The following ITGB3BP variants were observed in gnomAD, a reference collection of about 807,000 sequenced individuals.
The protein encoded by ITGB3BP is centromere protein R.
Under a neutral mutation model 29.1 loss-of-function variants are expected in ITGB3BP, and 27 were observed. The ratio of observed to expected loss-of-function variants is 0.93; its 90% confidence interval spans 0.68 to 1.28. The LOEUF is 1.28. Among genes scored for constraint, ITGB3BP ranks in the 50% most tolerant of loss-of-function variants. ITGB3BP has a pLI of 0.00. For missense variants in ITGB3BP, 192 were observed against 200.2 expected (o/e 0.96, Z 0.25); for synonymous variants, 61 against 61.4 (o/e 0.99, Z 0.03).
At chr1:63,476,104 A>C (rs1350280141) in intron 4 of ITGB3BP, among the ~76,000 whole-genome samples, 1 of 151,490 alleles carries the variant, frequency 6.6e-6, no homozygotes, top group African/African-American at 2.4e-5. Context: ...GAGGGATCAC[A>C]GTGTACTACA....
intron 1 of ITGB3BP, among the ~76,000 whole-genome samples, chr1:63,517,630 G>A (rs1646362926): frequency 6.6e-6 from 1 of 152,022 alleles, no homozygotes; most frequent in Non-Finnish European, 1.5e-5. Context: ...CTACATCCTT[G>A]CTAAATTGTT....
At chr1:63,475,711 A>G (rs377135178) in intron 4 of ITGB3BP, among the ~76,000 whole-genome samples, 88 of 152,300 alleles carry the variant, frequency 5.8e-4, no homozygotes, top group African/African-American at 2.1e-3. Flanking sequence ...TCAGAAATGC[A>G]TCCTGGCCAG....
At chr1:63,514,109 T>C (rs1398102469) in intron 1 of ITGB3BP, among the ~76,000 whole-genome samples, 6 of 152,228 alleles carry the variant, frequency 3.9e-5, no homozygotes, top group Non-Finnish European at 7.3e-5. Flanking sequence ...TTGCCTATTC[T>C]AGAATTTCAT....
chr1:63,516,349 G>GGGAA (rs1553167564), intron 1 of ITGB3BP, among the ~76,000 whole-genome samples: 1 of 84,150 alleles, frequency 1.2e-5, no homozygotes, highest in Non-Finnish European at 2.4e-5. Flanking sequence ...AAGCGGAGCG[G>GGGAA]GGGAAGGTGG....
Position 63,478,755 on chromosome 1 carries a change from C to T in ITGB3BP, c.254+9G>A. The T allele has an allele frequency of 7.4e-7, 1 of 1,344,918 alleles. No homozygotes were observed. The highest frequency in any genetic ancestry group is 1.0e-6 in the Non-Finnish European group (1 of 975,292). 83.3% of individuals were successfully genotyped at this position (1,344,918 alleles called of 1,614,324 possible). A position where few individuals can be genotyped will look rare whatever the true frequency, so the allele number is the denominator to read the frequency against. ...TACACATATATAATTTCAAAAATAA[C>T]AAACTTACTCATCATTGTCTTTTGT... On this transcript the variant is annotated intron_variant, in intron 4 of 8. Coordinates refer to ENST00000271002, the MANE Select transcript of ITGB3BP (RefSeq NM_014288.5).
intron 4 of ITGB3BP, among the ~76,000 whole-genome samples, chr1:63,476,076 T>G (rs1035187918): frequency 6.6e-6 from 1 of 151,534 alleles, no homozygotes; most frequent in Non-Finnish European, 1.5e-5. Context: ...TAGGCTGGTG[T>G]GCAGCAGCTA....
intron 2 of ITGB3BP, among the ~76,000 whole-genome samples, chr1:63,507,276 G>A (rs1383592980): frequency 6.6e-6 from 1 of 152,132 alleles, no homozygotes; most frequent in African/African-American, 2.4e-5. Context: ...CTGTTGAAAG[G>A]TACAGAACTG....
intron 4 of ITGB3BP, among the ~76,000 whole-genome samples, chr1:63,462,219 T>C (rs886310990): frequency 6.6e-6 from 1 of 152,240 alleles, no homozygotes; most frequent in Non-Finnish European, 1.5e-5. Flanking sequence ...TATTCCTGTG[T>C]ATTTTATCCT....
intron 2 of ITGB3BP, among the ~76,000 whole-genome samples, chr1:63,505,866 G>A (rs1380279958): frequency 6.6e-6 from 1 of 152,164 alleles, no homozygotes; most frequent in African/African-American, 2.4e-5. Flanking sequence ...TGATTGCACT[G>A]TGGTCTGACA....
chr1:63,496,240 G>C (rs571872046), intron 2 of ITGB3BP, among the ~76,000 whole-genome samples: 2 of 151,826 alleles, frequency 1.3e-5, no homozygotes, highest in African/African-American at 2.4e-5. Flanking sequence ...CGACAGGTGC[G>C]CACCACCATG....
chr1:63,461,179 G>A (rs1488501348), intron 4 of ITGB3BP, among the ~76,000 whole-genome samples: 2 of 148,212 alleles, frequency 1.3e-5, no homozygotes, highest in African/African-American at 2.5e-5. Flanking sequence ...GCGTGAACCC[G>A]GGAGGCGGAG....
At chr1:63,500,424 G>C (rs1645898289) in intron 2 of ITGB3BP, among the ~76,000 whole-genome samples, 1 of 151,954 alleles carries the variant, frequency 6.6e-6, no homozygotes, top group African/African-American at 2.4e-5. Context: ...GCTAATAAAT[G>C]GGTTCAGCAA....
chr1:63,521,261 A>AG, intron 1 of ITGB3BP, among the ~76,000 whole-genome samples: 1 of 131,816 alleles, frequency 7.6e-6, no homozygotes, highest in South Asian at 2.8e-4. Context: ...AACCACATTA[A>AG]AAAAAAAAAA....
chr1:63,455,646 T>TG (rs1007832393), intron 4 of ITGB3BP, among the ~76,000 whole-genome samples: 5 of 152,200 alleles, frequency 3.3e-5, no homozygotes, highest in Admixed American at 6.5e-5. Context: ...ATATACATTT[T>TG]GGGGGGCCAC....
intron 1 of ITGB3BP, among the ~76,000 whole-genome samples, chr1:63,509,507 T>C (rs532682145): frequency 1.3e-5 from 2 of 152,328 alleles, no homozygotes; most frequent in East Asian, 3.9e-4. Flanking sequence ...CAAAAGTTTG[T>C]ATTGATCTTA....
chr1:63,497,995 A>C (rs1455063943), intron 2 of ITGB3BP, among the ~76,000 whole-genome samples: 1 of 152,214 alleles, frequency 6.6e-6, no homozygotes, highest in Non-Finnish European at 1.5e-5. Context: ...AACAAAAAAC[A>C]AAAAAAGATA....
chr1:63,512,969 G>A (rs1646233321), intron 1 of ITGB3BP, among the ~76,000 whole-genome samples: 1 of 151,948 alleles, frequency 6.6e-6, no homozygotes, highest in South Asian at 2.1e-4. Context: ...TATTTTTGTA[G>A]ACTATCCCTC....
chr1:63,472,431 A>ACCCTCTCCCTCTCCCTCT (rs200905947), intron 4 of ITGB3BP, among the ~76,000 whole-genome samples: 60 of 117,906 alleles, frequency 5.1e-4, no homozygotes, highest in Middle Eastern at 5.6e-3. Context: ...AAACTGATCC[A>ACCCTCTCCCTCTCCCTCT]CCCTCTCCCT....
chr1:63,449,672 A>G (rs3790867), intron 7 of ITGB3BP: 14,650 of 154,488 alleles, frequency 0.095, 925 homozygotes, highest in East Asian at 0.15. Flanking sequence ...ACATTAATGT[A>G]TATTTGTGCT....
Sources: gnomAD v4.1 joint callset for allele counts (sites outside exome capture counted in the v4.1 genomes callset) on GRCh38, gnomAD v4.1.1 for gene constraint, MANE v1.5 for transcripts, NCBI Gene and HGNC (gene_info 2026-07-23, HGNC 2026-07-21) for gene names.